Variants in CHD5 observed in about 807,000 individuals in gnomAD.
The protein encoded by CHD5 is ATP-dependent chromatin remodeler CHD5.
In CHD5, 69 loss-of-function variants were observed where a neutral mutation model predicts 230.3. The observed-to-expected ratio is 0.30, with a 90% CI of 0.25 to 0.37. The LOEUF (loss-of-function observed/expected upper bound fraction) is 0.37, where lower values mean the gene tolerates loss of function less well. Among genes scored for constraint, CHD5 ranks in the 10% least tolerant of loss-of-function variants. The pLI is 1.00. For missense variants in CHD5, 1,827 were observed against 2,622.8 expected, an observed-to-expected ratio of 0.70 and a Z score of 6.63; for synonymous variants, 1,064 against 1,065.9, an observed-to-expected ratio of 1.00 and a Z score of 0.03.
intron 2 of CHD5, among the ~76,000 whole-genome samples, chr1:6,164,903 G>A (rs946766942): frequency 6.6e-6 from 1 of 152,082 alleles, no homozygotes; most frequent in Non-Finnish European, 1.5e-5. Flanking sequence ...GAGGGTACAG[G>A]GGGAAGAGAG....
In CHD5 at chr1:6,109,913, G is replaced by A. The variant is rs779541659; in HGVS notation, c.5460C>T (p.His1820=). 1.9e-6 allele frequency: 3 copies of A among 1,610,204 alleles called. No individual in the cohort carries two copies. The highest frequency in any genetic ancestry group is 3.4e-5 in the Admixed American group (2 of 59,516). Residue 1820 remains histidine (H), a synonymous_variant, in exon 38 of 42, where the codon CAC becomes CAT. Coordinates refer to ENST00000262450, the MANE Select transcript of CHD5 (RefSeq NM_015557.3). ...AYLNMTQDPN[H]PAMALNARLA... ...GGCGGGCGTTGAGGGCCATGGCGGGGTGGTTGGGGTCCTGCGTCATGTTCA... is the reference window on the plus strand; with the variant it reads ...GGCGGGCGTTGAGGGCCATGGCGGGATGGTTGGGGTCCTGCGTCATGTTCA...
In CHD5 at chr1:6,155,279, T is replaced by C. The variant is rs1351692036; in HGVS notation, c.506+320A>G. Among the ~76,000 whole-genome samples the C allele has an allele frequency of 6.6e-6, 1 of 151,992 alleles. No homozygotes were observed. Among genetic ancestry groups the C allele is most frequent in the Non-Finnish European group, 1.5e-5 (1 of 68,012 alleles). On this transcript the variant is annotated intron_variant, in intron 4 of 41. Transcript: ENST00000262450. The surrounding 1 kb of genome is among the most constrained non-coding windows in gnomAD (Gnocchi z 4.0). ...TTGTGGGGCCACAGGTGGGCTACAG[T>C]GGGCCTTGGGGTCTCCGTCCCACCT...
At chr1:6,179,201 C>G (rs1028370830) in intron 1 of CHD5, among the ~76,000 whole-genome samples, 2 of 152,214 alleles carry the variant, frequency 1.3e-5, no homozygotes, top group East Asian at 3.9e-4. Context: ...GCGTCAGGCC[C>G]GTAGCCAAGG....
chr1:6,133,805 C>G (rs1222771160), intron 20 of CHD5, among the ~76,000 whole-genome samples: 1 of 152,234 alleles, frequency 6.6e-6, no homozygotes, highest in Non-Finnish European at 1.5e-5. Context: ...CCAACCACAC[C>G]CCAGGGCCCT....
intron 25 of CHD5, chr1:6,127,098 G>A (rs1209635924): frequency 6.9e-6 from 2 of 289,088 alleles, no homozygotes; most frequent in East Asian, 9.1e-5. Context: ...CTGCACGGAG[G>A]GTGGGGAGCA....
intron 1 of CHD5, 131 bp downstream of exon 1, chr1:6,179,814 G>A (rs1026877836): frequency 2.8e-4 from 71 of 258,108 alleles, no homozygotes; most frequent in African/African-American, 4.0e-4. Context: ...GCGCAGCCCC[G>A]CAACCCGGGT....
chr1:6,114,891 G>A (rs1284381561), intron 33 of CHD5, among the ~76,000 whole-genome samples: 1 of 152,050 alleles, frequency 6.6e-6, no homozygotes, highest in East Asian at 1.9e-4. Flanking sequence ...GCAGGCACCT[G>A]TAATCCCAGC....
chr1:6,128,800 C>G lies in CHD5; in HGVS notation c.3619+38G>C, dbSNP rs1395462572. 6.4e-7 allele frequency: 1 copy of G among 1,566,724 alleles called. No individual in the cohort carries two copies. The highest frequency in any genetic ancestry group is 1.4e-5 in the African/African-American group (1 of 74,004). On this transcript the variant is annotated intron_variant, in intron 23 of 41. Transcript: ENST00000262450. The surrounding 1 kb of genome is among the most constrained non-coding windows in gnomAD (Gnocchi z 7.8). ...GGATGGGTGTCTCAGCCGGGCCACC[C>G]CAGTCCCCTGCCACGCTCCCTCGGA...
chr1:6,130,172 CT>C lies in CHD5; in HGVS notation c.3387+31del, dbSNP rs1571149099. 2 of 1,612,060 alleles carry C rather than the reference CT, an allele frequency of 1.2e-6. No homozygotes were observed. The highest frequency in any genetic ancestry group is 4.5e-5 in the East Asian group (2 of 44,806). The stretch of plus-strand genomic sequence containing the variant: ...CCTGAGGCCCGGGATGAGAGGCCCC[CT>C]GGGAGGGTGGTGGGCGGCAGCAGCA... On this transcript the variant is annotated intron_variant, in intron 22 of 41. Coordinates refer to ENST00000262450, the MANE Select transcript of CHD5 (RefSeq NM_015557.3). The surrounding 1 kb of genome is among the most constrained non-coding windows in gnomAD (Gnocchi z 4.9).
In CHD5 at chr1:6,146,877, G is replaced by A. The variant is rs1666920421; in HGVS notation, c.1384-6C>T. On this transcript the variant is annotated splice_region_variant and splice_polypyrimidine_tract_variant and intron_variant, in intron 9 of 41. Transcript: ENST00000262450. The surrounding 1 kb of genome is among the most constrained non-coding windows in gnomAD (Gnocchi z 5.1). ...TTGCCCTTCAGTGGGGGGCACTGTG[G>A]ACAGAGAAGGGTCCCCAAGGTGGGG... The A allele has an allele frequency of 3.4e-6, 5 of 1,490,972 alleles. No homozygotes were observed. The highest frequency in any genetic ancestry group is 4.5e-6 in the Non-Finnish European group (5 of 1,118,184). 92.4% of individuals were successfully genotyped at this position (1,490,972 alleles called of 1,614,324 possible).
intron 33 of CHD5, 118 bp from the exon 34 acceptor site, chr1:6,113,116 C>T: frequency 1.4e-6 from 1 of 715,486 alleles, no homozygotes; most frequent in Non-Finnish European, 2.4e-6. Context: ...CAGAGTCCAA[C>T]AGGTGCCACC....
rs1666716557 is a variant in CHD5, at chr1:6,134,968, G to A, written c.2871-109C>T. 2 of 1,391,822 alleles carry A rather than the reference G, an allele frequency of 1.4e-6. No individual in the cohort carries two copies. The highest frequency in any genetic ancestry group is 2.0e-6 in the Non-Finnish European group (2 of 1,003,798). 86.2% of individuals were successfully genotyped at this position (1,391,822 alleles called of 1,614,324 possible). ...TGGTGGCCAAGCACCCATTTACAGA[G>A]AGACCCAAGGGACCCCCAAGAGGTG... On this transcript the variant is annotated intron_variant, in intron 18 of 41. Coordinates refer to ENST00000262450, the MANE Select transcript of CHD5 (RefSeq NM_015557.3). This position sits in a 1 kb window ranked among gnomAD's most constrained non-coding sequence, Gnocchi z 6.3.
intron 1 of CHD5, among the ~76,000 whole-genome samples, chr1:6,179,693 C>G (rs1667483167): frequency 6.7e-6 from 1 of 148,348 alleles, no homozygotes. Context: ...CCGCCTGGCC[C>G]GCGTCGCCGC....
At chr1:6,137,982 C>T (rs1459734773) in intron 15 of CHD5, among the ~76,000 whole-genome samples, 2 of 152,186 alleles carry the variant, frequency 1.3e-5, no homozygotes, top group Non-Finnish European at 2.9e-5. Context: ...GGGAGCCAGG[C>T]ACCCGGTCTA....
intron 20 of CHD5, among the ~76,000 whole-genome samples, chr1:6,132,612 T>C (rs1666675797): frequency 6.6e-6 from 1 of 152,224 alleles, no homozygotes; most frequent in Admixed American, 6.5e-5. Flanking sequence ...TCTCCCTGTT[T>C]TATCTTTGTC....
intron 38 of CHD5, among the ~76,000 whole-genome samples, chr1:6,109,344 G>A (rs1194848399): frequency 3.3e-5 from 5 of 152,216 alleles, no homozygotes; most frequent in African/African-American, 4.8e-5. Context: ...AGTGTGCCCT[G>A]TGACCACAGG....
rs1426753152 is a variant in CHD5 at position 6,102,289 on chromosome 1, A to G, written c.*3185T>C. On this transcript the variant is annotated 3_prime_UTR_variant, in exon 42 of 42. Transcript: ENST00000262450. ...TGAAAATTAAAGAAAAAAAAAACAC[A>G]ACGCCAGTGAGTTTGGGCTGATGCA... The G allele has an allele frequency of 1.9e-5, 3 of 160,634 alleles. No homozygotes were observed. Among genetic ancestry groups the G allele is most frequent in the Non-Finnish European group, 2.7e-5 (2 of 72,948 alleles). The allele number at this position is 160,634 out of a possible 1,614,324, so 10.0% of individuals were successfully genotyped here. A position where few individuals can be genotyped will look rare whatever the true frequency, so the allele number is the denominator to read the frequency against.
Position 6,124,042 on chromosome 1 carries a change from C to T in CHD5, c.4605G>A (p.Glu1535=), listed in dbSNP as rs1290913801. 1.9e-6 allele frequency: 3 copies of T among 1,613,310 alleles called. No individual in the cohort carries two copies. Among genetic ancestry groups the T allele is most frequent in the Middle Eastern group, 1.7e-4 (1 of 6,052 alleles). ...AGATCACCTCGCCCGACTTCTTCCC[C>T]TCGGGCCCCTCAGGGATCAAGTCTG... ...STPDLIPEGP[E]GKKSGEVISS... The change falls in exon 31 of 42, where the codon GAG becomes GAA. Residue 1535 remains glutamate, a synonymous_variant. Transcript: ENST00000262450.
chr1:6,172,878 C>T (rs920901326), intron 1 of CHD5, among the ~76,000 whole-genome samples: 22 of 152,100 alleles, frequency 1.4e-4, no homozygotes, highest in African/African-American at 3.6e-4. Flanking sequence ...AGGACGCAGC[C>T]GCCAGGGCAC....
Sources: allele counts gnomAD v4.1 joint callset (sites outside exome capture counted in the v4.1 genomes callset), GRCh38; gene constraint gnomAD v4.1.1; non-coding constraint Gnocchi (gnomAD v3.1); transcripts MANE v1.5; gene names NCBI Gene and HGNC (gene_info 2026-07-23, HGNC 2026-07-21).